Variants in ITFG2 observed in about 807,000 individuals in gnomAD.
The protein encoded by ITFG2 is integrin alpha FG-GAP repeat containing 2.
Under a neutral mutation model 54.4 loss-of-function variants are expected in ITFG2, and 36 were observed. The observed-to-expected ratio is 0.66, with a 90% CI of 0.51 to 0.87. The LOEUF (loss-of-function observed/expected upper bound fraction) is 0.87, where lower values mean the gene tolerates loss of function less well. Ranked by LOEUF, ITFG2 falls within the 40% of genes least tolerant of loss-of-function variation. The pLI is 0.00. For missense variants in ITFG2, 524 were observed against 576.7 expected, an observed-to-expected ratio of 0.91 and a Z score of 0.94; for synonymous variants, 211 against 225.4, an observed-to-expected ratio of 0.94 and a Z score of 0.57.
chr12:2,855,592 T>C, intron 2 of ITFG2: 1 of 523,150 alleles, frequency 1.9e-6, no homozygotes, highest in Non-Finnish European at 3.2e-6. Flanking sequence ...CAGGGCCGCA[T>C]CTCCATCCCT....
upstream of ITFG2, among the ~76,000 whole-genome samples, chr12:2,833,729 G>A (rs1555087471): frequency 2.0e-5 from 3 of 152,150 alleles, no homozygotes; most frequent in East Asian, 3.9e-4. Context: ...ATAGCTGGGG[G>A]AATAATAATA....
At chr12:2,821,018 A>G (rs2097942355) in intron 6 of ITFG2, 146 bp downstream of exon 6, 2 of 885,046 alleles carry the variant, frequency 2.3e-6, no homozygotes, top group Non-Finnish European at 1.7e-6. Context: ...CCACTGGGGA[A>G]GATTACTTTA....
chr12:2,821,759 C>A lies in ITFG2; in HGVS notation c.915C>A (p.His305Gln), dbSNP rs757652694. 1 of 1,614,084 alleles carries A rather than the reference C, an allele frequency of 6.2e-7. No homozygotes were observed. Among genetic ancestry groups the A allele is most frequent in the Admixed American group, 1.7e-5 (1 of 60,014 alleles). Residue 305 changes from histidine (H) to glutamine (Q), a missense_variant, in exon 9 of 12, where the codon CAC becomes CAA. Physicochemically the swap from His to Gln is conservative, Grantham distance 24. Coordinates refer to ENST00000228799, the MANE Select transcript of ITFG2 (RefSeq NM_018463.4). The stretch of plus-strand genomic sequence containing the variant: ...TGCTGTGGTCAGTGCAGGTGGATCA[C>A]CAGCTCTTTGCCCTGGAGAAACTGG... ...DKLLWSVQVD[H>Q]QLFALEKLDV...
chr12:2,853,865 T>G (rs55745519), intron 2 of ITFG2, among the ~76,000 whole-genome samples: 8,485 of 152,178 alleles, frequency 0.056, 770 homozygotes, highest in African/African-American at 0.19. Flanking sequence ...TTCTCAGCCC[T>G]GCCTGGAGGG....
Position 2,830,694 on chromosome 12 carries a change from G to A in ITFG2, c.*60-140G>A, listed in dbSNP as rs2079094874. On this transcript the variant is annotated intron_variant and NMD_transcript_variant, in intron 2 of 2. Coordinates refer to the ITFG2 transcript ENST00000538822. ...GGGTTGTTAATGAAAGTGTGTCCCT[G>A]GGAGGCCTCTCACCTTGCAGTTGAC... is the stretch of plus-strand genomic sequence containing the variant. 5.0e-6 allele frequency: 8 copies of A among 1,603,188 alleles called. 2 individuals are homozygous for A. In the Middle Eastern group the frequency reaches 1.3e-3, roughly 269 times the overall value.
intron 4 of ITFG2, 64 bp downstream of exon 4, chr12:2,818,341 C>G (rs2097928956): frequency 6.3e-7 from 1 of 1,596,848 alleles, no homozygotes; most frequent in African/African-American, 1.3e-5. Flanking sequence ...AGAGCATATC[C>G]CAAGGGATTG....
At chr12:2,844,103 A>G (rs1702956814) in intron 2 of ITFG2, among the ~76,000 whole-genome samples, 1 of 132,648 alleles carries the variant, frequency 7.5e-6, no homozygotes, top group African/African-American at 3.0e-5. Flanking sequence ...AAAAATACAA[A>G]AAAAAATAGC....
At chr12:2,842,648 C>G (rs1022129492) in intron 2 of ITFG2, among the ~76,000 whole-genome samples, 7 of 152,028 alleles carry the variant, frequency 4.6e-5, no homozygotes, top group Admixed American at 1.3e-4. Flanking sequence ...AGGAGAATTG[C>G]TTGAGCGCAG....
At position 2,845,262 on chromosome 12, in the gene ITFG2, C is replaced by T. The variant is rs899356535; in HGVS notation, n.300+4267C>T. 2.0e-5 allele frequency among the ~76,000 whole-genome samples: 3 copies of T among 152,108 alleles called. No individual in the cohort carries two copies. Among genetic ancestry groups the T allele is most frequent in the Admixed American group, 6.5e-5 (1 of 15,272 alleles). ...GGAAAGTGAGTTGGGTGGGGACTGT[C>T]TGCAGAGGGGATCTTGGCTCGAGTT... On this transcript the variant is annotated intron_variant and non_coding_transcript_variant, in intron 2 of 3. Coordinates refer to the ITFG2 transcript ENST00000537710. This position sits in a 1 kb window ranked among gnomAD's most constrained non-coding sequence, Gnocchi z 4.2.
intron 2 of ITFG2, chr12:2,857,147 C>T (rs1016163843): frequency 1.1e-5 from 8 of 696,288 alleles, no homozygotes; most frequent in Admixed American, 8.1e-5. Flanking sequence ...AAGAGGCCCT[C>T]ACCTGTCCCT....
intron 1 of ITFG2, 125 bp downstream of exon 1, chr12:2,812,981 C>G: frequency 1.3e-6 from 1 of 753,704 alleles, no homozygotes; most frequent in South Asian, 1.6e-5. Flanking sequence ...GTTTGGAGCG[C>G]TAGAGAGAAA....
At chr12:2,819,988 G>A (rs181968456) in intron 4 of ITFG2, 98 bp from the exon 5 acceptor site, 55 of 1,450,960 alleles carry the variant, frequency 3.8e-5, no homozygotes, top group African/African-American at 5.7e-5. Flanking sequence ...ACCGCAGATC[G>A]GGTGTGAAGC....
At chr12:2,839,234 T>C (rs1405478044) in intron 1 of ITFG2, among the ~76,000 whole-genome samples, 1 of 152,068 alleles carries the variant, frequency 6.6e-6, no homozygotes, top group Non-Finnish European at 1.5e-5. Context: ...GAGGTTACAG[T>C]GAGCCGAGAT....
At chr12:2,828,158 C>A (rs146801012), downstream of ITFG2, 622 of 1,203,488 alleles carry the variant, frequency 5.2e-4, 1 homozygote, top group African/African-American at 7.0e-3. Flanking sequence ...CCTGACCTCA[C>A]GTGGGGTCTA....
At chr12:2,854,800 A>C in intron 2 of ITFG2, 1 of 1,270,124 alleles carries the variant, frequency 7.9e-7, no homozygotes, top group Non-Finnish European at 1.1e-6. Context: ...AGAGCGGGGA[A>C]GGACAGAGTC....
intron 6 of ITFG2, 122 bp downstream of exon 6, chr12:2,820,994 C>A: frequency 9.6e-7 from 1 of 1,047,072 alleles, no homozygotes; most frequent in Non-Finnish European, 1.4e-6. Flanking sequence ...GGTCCCAACC[C>A]AAGCACCTTT....
At chr12:2,850,089 C>T (rs1415258502) in intron 2 of ITFG2, among the ~76,000 whole-genome samples, 3 of 152,128 alleles carry the variant, frequency 2.0e-5, no homozygotes, top group Non-Finnish European at 4.4e-5. Flanking sequence ...ATTACAATCA[C>T]CCTGGGAGCT....
At chr12:2,815,914 G>C (rs2097920241) in intron 1 of ITFG2, among the ~76,000 whole-genome samples, 1 of 152,148 alleles carries the variant, frequency 6.6e-6, no homozygotes, top group Admixed American at 6.5e-5. Context: ...ACCCAGGCTG[G>C]ACTGCAATGG....
At chr12:2,812,894 G>C in intron 1 of ITFG2, 38 bp downstream of exon 1, 2 of 1,545,936 alleles carry the variant, frequency 1.3e-6, no homozygotes, top group Non-Finnish European at 1.8e-6. Context: ...GCCTGGATCT[G>C]TGCAGGGACG....
Sources: allele counts gnomAD v4.1 joint callset (sites outside exome capture counted in the v4.1 genomes callset), GRCh38; gene constraint gnomAD v4.1.1; non-coding constraint Gnocchi (gnomAD v3.1); transcripts MANE v1.5; gene names NCBI Gene and HGNC (gene_info 2026-07-23, HGNC 2026-07-21).